The following SCUBE2 variants were observed in gnomAD, a reference collection of about 807,000 sequenced individuals.
The protein encoded by SCUBE2 is signal peptide, CUB domain and EGF like domain containing 2.
In SCUBE2, 114 loss-of-function variants were observed where a neutral mutation model predicts 125.9. The observed-to-expected ratio is 0.91, with a 90% CI of 0.78 to 1.06. The LOEUF (loss-of-function observed/expected upper bound fraction) is 1.06, where lower values mean the gene tolerates loss of function less well. Among genes scored for constraint, SCUBE2 ranks in the 50% least tolerant of loss-of-function variants. The pLI is 0.00. For missense variants in SCUBE2, 1,255 were observed against 1,301.8 expected (o/e 0.96, Z 0.55); for synonymous variants, 459 against 492.9 (o/e 0.93, Z 0.91).
chr11:9,025,956 A>T, intron 20 of SCUBE2, 102 bp from the exon 21 acceptor site: 1 of 1,273,282 alleles, frequency 7.9e-7, no homozygotes, highest in Non-Finnish European at 1.1e-6. Flanking sequence ...ACAATAAGTT[A>T]TGCTCAAAAG....
At position 9,052,107 on chromosome 11, in the gene SCUBE2, A is replaced by T. The variant is rs551775036; in HGVS notation, c.1534+639T>A. 2.3e-4 allele frequency among the ~76,000 whole-genome samples: 35 copies of T among 152,344 alleles called. No individual in the cohort carries two copies. In the South Asian group the frequency reaches 7.0e-3, roughly 31 times the overall value. ...TCCTCAGAGGGTTGTAGTATGGCTT[A>T]AGTCAGTTAATTCGTGTACTATGGT... On this transcript the variant is annotated intron_variant, in intron 13 of 22. Transcript: ENST00000649792.
chr11:9,025,557 G>T, intron 21 of SCUBE2, 145 bp downstream of exon 21: 2 of 870,914 alleles, frequency 2.3e-6, no homozygotes, highest in East Asian at 2.6e-5. Flanking sequence ...TTAAAATTTG[G>T]CACTTGTGAG....
chr11:9,034,920 T>C (rs577361844), intron 16 of SCUBE2, among the ~76,000 whole-genome samples: 3 of 152,210 alleles, frequency 2.0e-5, no homozygotes, highest in East Asian at 3.9e-4. Flanking sequence ...GCTTGAGCTC[T>C]GCAAACGCGG....
At chr11:9,022,295 T>G in intron 21 of SCUBE2, among the ~76,000 whole-genome samples, 1 of 152,202 alleles carries the variant, frequency 6.6e-6, no homozygotes, top group Non-Finnish European at 1.5e-5. Flanking sequence ...CTTTCCTACA[T>G]GATACATTTT....
intron 20 of SCUBE2, chr11:9,026,174 C>T (rs552338389): frequency 4.5e-4 from 94 of 207,066 alleles, no homozygotes; most frequent in African/African-American, 2.0e-3. Context: ...TTGTCATCAC[C>T]ACCATTTGCT....
Position 9,091,320 on chromosome 11 carries a change from G to C in SCUBE2, c.133+76C>G. On this transcript the variant is annotated intron_variant, in intron 1 of 22. Coordinates refer to ENST00000649792, the MANE Select transcript of SCUBE2 (RefSeq NM_001367977.2). The surrounding 1 kb of genome is among the most constrained non-coding windows in gnomAD (Gnocchi z 8.5). ...CCCGAGCCCCGCGCGCCCGGCTCTGGACTCCGCCGGGGACCTAAACACTCT... is the reference window on the plus strand; with the variant it reads ...CCCGAGCCCCGCGCGCCCGGCTCTGCACTCCGCCGGGGACCTAAACACTCT... 2 of 1,080,146 alleles carry C rather than the reference G, an allele frequency of 1.9e-6. No individual in the cohort carries two copies. Among genetic ancestry groups the C allele is most frequent in the South Asian group, 3.9e-5 (1 of 25,696 alleles). 66.9% of individuals were successfully genotyped at this position (1,080,146 alleles called of 1,614,324 possible). A position where few individuals can be genotyped will look rare whatever the true frequency, so the allele number is the denominator to read the frequency against.
Position 9,091,464 on chromosome 11 carries a change from AG to A in SCUBE2, c.64del (p.Leu22CysfsTer25), listed in dbSNP as rs2136071552. On this transcript the variant is annotated frameshift_variant, in exon 1 of 23. Transcript: ENST00000649792. LOFTEE classifies it high-confidence loss of function. This position sits in a 1 kb window ranked among gnomAD's most constrained non-coding sequence, Gnocchi z 8.5. ...CCCCGCCAGCAGCAGCAGTGGCGGC[AG>A]CAGCAGCAGCAGCAGCAGCACCGCC... ...AWAVLLLLLLLPPLLLLAGAV... is the reference protein window; with the variant it reads ...AWAVLLLLLLXPPLLLLAGAV... The A allele has an allele frequency of 1.3e-5, 5 of 391,876 alleles. No homozygotes were observed. In the South Asian group the frequency reaches 4.2e-4, roughly 33 times the overall value. 24.3% of individuals were successfully genotyped at this position (391,876 alleles called of 1,614,324 possible). A position where few individuals can be genotyped will look rare whatever the true frequency, so the allele number is the denominator to read the frequency against.
chr11:9,077,973 C>G (rs1590145913), intron 3 of SCUBE2, among the ~76,000 whole-genome samples: 1 of 152,208 alleles, frequency 6.6e-6, no homozygotes, highest in African/African-American at 2.4e-5. Flanking sequence ...TTATACTACC[C>G]CCCGCCACCC....
At chr11:9,051,253 T>TCTATCTAG (rs1356584830) in intron 13 of SCUBE2, among the ~76,000 whole-genome samples, 3 of 150,598 alleles carry the variant, frequency 2.0e-5, no homozygotes, top group African/African-American at 7.3e-5. Context: ...TATCTATCTA[T>TCTATCTAG]CTATCTACCT....
At chr11:9,034,690 A>G (rs1856606960) in intron 16 of SCUBE2, among the ~76,000 whole-genome samples, 1 of 152,176 alleles carries the variant, frequency 6.6e-6, no homozygotes, top group African/African-American at 2.4e-5. Context: ...CATAATAAAC[A>G]ATACAACAGG....
chr11:9,029,011 A>G (rs547728219), intron 19 of SCUBE2, among the ~76,000 whole-genome samples: 1 of 152,188 alleles, frequency 6.6e-6, no homozygotes. Flanking sequence ...TTCAATCATA[A>G]AGTTCTAATG....
At chr11:9,026,077 G>T in intron 20 of SCUBE2, 1 of 488,428 alleles carries the variant, frequency 2.0e-6, no homozygotes, top group Non-Finnish European at 3.6e-6. Flanking sequence ...CCTGGGGCTT[G>T]GCAAGCAGCA....
intron 3 of SCUBE2, among the ~76,000 whole-genome samples, chr11:9,075,790 G>A (rs1010114672): frequency 6.6e-6 from 1 of 152,264 alleles, no homozygotes; most frequent in African/African-American, 2.4e-5. Flanking sequence ...GCGGCTGCCA[G>A]GGATGCTGGG....
chr11:9,046,507 G>C (rs1339730552), intron 16 of SCUBE2, among the ~76,000 whole-genome samples: 1 of 152,124 alleles, frequency 6.6e-6, no homozygotes, highest in African/African-American at 2.4e-5. Context: ...GCCCGTCCGT[G>C]AGGCCTAACC....
At position 9,089,884 on chromosome 11, in the gene SCUBE2, G is replaced by T. The variant is rs1564858899; in HGVS notation, c.134-55C>A. ...CAGGCTCCCAGGCCATGTGTGATCT[G>T]GCCTCGGCCCTGTCTGGCATCATCC... On this transcript the variant is annotated intron_variant, in intron 1 of 22. Coordinates refer to ENST00000649792, the MANE Select transcript of SCUBE2 (RefSeq NM_001367977.2). 14 of 1,590,636 alleles carry T rather than the reference G, an allele frequency of 8.8e-6. No homozygotes were observed. In the South Asian group the frequency reaches 1.5e-4, roughly 17 times the overall value.
chr11:9,086,955 G>A (rs934510863), intron 2 of SCUBE2, among the ~76,000 whole-genome samples: 2 of 151,644 alleles, frequency 1.3e-5, no homozygotes, highest in Non-Finnish European at 1.5e-5. Context: ...AGTTCCAAAC[G>A]ACAGTACAAA....
intron 16 of SCUBE2, among the ~76,000 whole-genome samples, chr11:9,036,249 A>G (rs1046587588): frequency 1.3e-5 from 2 of 152,246 alleles, no homozygotes; most frequent in Non-Finnish European, 2.9e-5. Flanking sequence ...TTGGCAAACA[A>G]TATTATAATG....
intron 9 of SCUBE2, chr11:9,057,333 T>C (rs1859182676): frequency 6.6e-6 from 1 of 152,168 alleles, no homozygotes; most frequent in South Asian, 2.1e-4. Context: ...ACACAATAAT[T>C]ATCTAGAATT....
chr11:9,080,588 G>A (rs767335772), intron 2 of SCUBE2, among the ~76,000 whole-genome samples: 7 of 151,080 alleles, frequency 4.6e-5, no homozygotes, highest in African/African-American at 7.3e-5. Context: ...CATTGAGACC[G>A]CAGTGAGCCA....
Sources: allele counts gnomAD v4.1 joint callset (sites outside exome capture counted in the v4.1 genomes callset), GRCh38; gene constraint gnomAD v4.1.1; non-coding constraint Gnocchi (gnomAD v3.1); transcripts MANE v1.5; gene names NCBI Gene and HGNC (gene_info 2026-07-23, HGNC 2026-07-21).